CKM: variants seen among roughly 807,000 people sequenced by gnomAD.
CKM encodes the protein creatine kinase, M-type.
Under a neutral mutation model 35.4 loss-of-function variants are expected in CKM, and 28 were observed. That is an observed-to-expected ratio of 0.79 (90% CI 0.59 to 1.08). The LOEUF is 1.08. Among genes scored for constraint, CKM ranks in the 50% least tolerant of loss-of-function variants. The pLI is 0.00. For synonymous variants in CKM, 215 were observed against 204.4 expected, an observed-to-expected ratio of 1.05 and a Z score of -0.44; for missense variants, 484 against 509.8, an observed-to-expected ratio of 0.95 and a Z score of 0.49.
At chr19:45,320,890 C>CTATTATTATTATTATTATTATTATTAT (rs61014137) in intron 1 of CKM, among the ~76,000 whole-genome samples, 39 of 146,322 alleles carry the variant, frequency 2.7e-4, no homozygotes, top group African/African-American at 8.8e-4. Context: ...CACTTAGCTG[C>CTATTATTATTATTATTATTATTATTAT]TATTATTATT....
intron 5 of CKM, among the ~76,000 whole-genome samples, chr19:45,311,002 A>G (rs979888057): frequency 9.1e-5 from 13 of 143,096 alleles, no homozygotes; most frequent in African/African-American, 3.2e-4. Flanking sequence ...GGATGGTGTC[A>G]ATCTCCTGAC....
In CKM at chr19:45,306,628, A is replaced by G. The variant is rs17875628; in HGVS notation, c.*122T>C. 3,115 of 986,790 alleles carry G rather than the reference A, an allele frequency of 3.2e-3. 61 individuals are homozygous for G. The African/African-American group carries it at 0.045, about 14-fold the overall frequency. The allele number at this position is 986,790 out of a possible 1,614,324, so 61.1% of individuals were successfully genotyped here. On this transcript the variant is annotated 3_prime_UTR_variant, in exon 8 of 8. Coordinates refer to ENST00000221476, the MANE Select transcript of CKM (RefSeq NM_001824.5). This position sits in a 1 kb window ranked among gnomAD's most constrained non-coding sequence, Gnocchi z 4.5. ...GAAACTGGAACTCTGAGAAGGGTGGAGAGAGCCCCCAGGTGGGACTCTGGG... is the reference window on the plus strand; with the variant it reads ...GAAACTGGAACTCTGAGAAGGGTGGGGAGAGCCCCCAGGTGGGACTCTGGG...
intron 1 of CKM, among the ~76,000 whole-genome samples, chr19:45,320,610 G>A (rs541690188): frequency 1.4e-4 from 21 of 152,180 alleles, no homozygotes; most frequent in South Asian, 4.1e-4. Context: ...TTCCCCAGGT[G>A]GAAAACGGGC....
At chr19:45,318,034 GC>G in intron 2 of CKM, 55 bp from the exon 3 acceptor site, 1 of 1,544,914 alleles carries the variant, frequency 6.5e-7, no homozygotes, top group Admixed American at 1.7e-5. Flanking sequence ...CAGGGCGTGG[GC>G]TTGTGGGCTC....
At chr19:45,307,801 T>C in intron 6 of CKM, 151 bp from the exon 7 acceptor site, 1 of 631,784 alleles carries the variant, frequency 1.6e-6, no homozygotes, top group East Asian at 2.8e-5. Context: ...CCGAGGGTGC[T>C]GGCTAGACAA....
At chr19:45,309,708 G>C (rs968154481) in intron 5 of CKM, among the ~76,000 whole-genome samples, 13 of 151,814 alleles carry the variant, frequency 8.6e-5, no homozygotes, top group African/African-American at 3.1e-4. Context: ...CCAAAAATAC[G>C]AAAACTAGCT....
At chr19:45,315,345 T>C (rs1295307751) in intron 4 of CKM, 120 bp downstream of exon 4, 32 of 1,165,076 alleles carry the variant, frequency 2.7e-5, no homozygotes, top group Non-Finnish European at 3.9e-5. Flanking sequence ...GCCCCCACGA[T>C]TTACCAAGCT....
At position 45,319,608 on chromosome 19, in the gene CKM, G is replaced by C. The variant is rs1971193263; in HGVS notation, c.106C>G (p.Leu36Val). The C allele has an allele frequency of 6.2e-7, 1 of 1,614,126 alleles. No homozygotes were observed. Among genetic ancestry groups the C allele is most frequent in the Non-Finnish European group, 8.5e-7 (1 of 1,180,032 alleles). ...HNNHMAKVLT[L>V]ELYKKLRDKE... is the part of the protein sequence containing the mutation. ...TCCCGCAGCTTCTTGTAGAGTTCAA[G>C]GGTCAGTACCTTGGCCATGTGGTTG... Residue 36 changes from leucine to valine, a missense_variant, in exon 2 of 8, where the codon CTT (leucine) becomes GTT (valine). By Grantham distance (32) the Leu-to-Val change is conservative (BLOSUM62 1). Coordinates refer to ENST00000221476, the MANE Select transcript of CKM (RefSeq NM_001824.5).
chr19:45,309,566 A>C (rs964426608), intron 5 of CKM, among the ~76,000 whole-genome samples: 15 of 149,332 alleles, frequency 1.0e-4, no homozygotes, highest in Non-Finnish European at 2.1e-4. Flanking sequence ...AAAAAAAAAA[A>C]AAAAAAAACC....
At chr19:45,319,404 T>C (rs1328294957) in intron 2 of CKM, 117 bp downstream of exon 2, 2 of 779,644 alleles carry the variant, frequency 2.6e-6, no homozygotes, top group Non-Finnish European at 2.2e-6. Context: ...AACAGCCCCA[T>C]TTTACAGATG....
chr19:45,312,995 T>C (rs1265506388), intron 4 of CKM, among the ~76,000 whole-genome samples: 1 of 151,926 alleles, frequency 6.6e-6, no homozygotes, highest in African/African-American at 2.4e-5. Context: ...TATTTGTATA[T>C]TCATGTATAA....
intron 1 of CKM, among the ~76,000 whole-genome samples, 200 bp downstream of exon 1, chr19:45,322,621 G>C (rs982068262): frequency 3.3e-5 from 5 of 152,180 alleles, no homozygotes; most frequent in African/African-American, 9.7e-5. Flanking sequence ...AGGTCCCAGT[G>C]GGGGGTTCAG....
chr19:45,315,712 C>T (rs749252058), intron 3 of CKM, 115 bp from the exon 4 acceptor site: 72 of 1,393,320 alleles, frequency 5.2e-5, no homozygotes, highest in Non-Finnish European at 6.7e-5. Flanking sequence ...CCTTCTGCAT[C>T]CTCACTGATT....
chr19:45,320,563 G>T (rs1971204193), intron 1 of CKM, among the ~76,000 whole-genome samples: 1 of 152,202 alleles, frequency 6.6e-6, no homozygotes, highest in Non-Finnish European at 1.5e-5. Context: ...TCCCAGTTGG[G>T]TGAGCCTGGA....
rs1288600082 is a variant in CKM at position 45,308,517 on chromosome 19, CT to C, written c.668del (p.Lys223ArgfsTer7). 21 of 1,613,946 alleles carry C rather than the reference CT, an allele frequency of 1.3e-5. No individual in the cohort carries two copies. Among genetic ancestry groups the C allele is most frequent in the Non-Finnish European group, 1.8e-5 (21 of 1,180,010 alleles). ...DARGIWHNDN[K>X]SFLVWVNEED... is the part of the protein sequence containing the mutation. ...CCTCGTTCACCCACACCAGGAAGCT[CT>C]TGTTGTCATTGTGCCTAGAGTAAGG... is the stretch of plus-strand genomic sequence containing the variant. On this transcript the variant is annotated frameshift_variant, in exon 6 of 8. Transcript: ENST00000221476. LOFTEE classifies it high-confidence loss of function.
intron 2 of CKM, 149 bp downstream of exon 2, chr19:45,319,372 A>G (rs760928268): frequency 1.5e-6 from 1 of 657,580 alleles, no homozygotes; most frequent in Non-Finnish European, 2.7e-6. Flanking sequence ...GCCTTTATGT[A>G]TATTAATGCA....
At chr19:45,322,099 G>A (rs1221721929) in intron 1 of CKM, among the ~76,000 whole-genome samples, 1 of 152,090 alleles carries the variant, frequency 6.6e-6, no homozygotes, top group African/African-American at 2.4e-5. Context: ...CACGGGTCCA[G>A]GCCTCGGGGC....
chr19:45,320,890 C>CTATTATTAT (rs61014137), intron 1 of CKM, among the ~76,000 whole-genome samples: 21,935 of 146,142 alleles, frequency 0.15, 1,727 homozygotes, highest in South Asian at 0.18. Context: ...CACTTAGCTG[C>CTATTATTAT]TATTATTATT....
intron 4 of CKM, 128 bp from the exon 5 acceptor site, chr19:45,312,048 C>A: frequency 2.0e-6 from 2 of 1,006,122 alleles, no homozygotes; most frequent in Non-Finnish European, 3.0e-6. Context: ...CCTAAAGGCA[C>A]CTGAACCCTG....
Sources: gnomAD v4.1 joint callset for allele counts (sites outside exome capture counted in the v4.1 genomes callset) on GRCh38, gnomAD v4.1.1 for gene constraint, Gnocchi (gnomAD v3.1) non-coding constraint, MANE v1.5 for transcripts, NCBI Gene and HGNC (gene_info 2026-07-23, HGNC 2026-07-21) for gene names.